Variants in SHQ1 observed in about 807,000 individuals in gnomAD.
The protein encoded by SHQ1 is SHQ1, H/ACA ribonucleoprotein assembly factor.
In SHQ1, 49 loss-of-function variants were observed where a neutral mutation model predicts 53.8. The ratio of observed to expected loss-of-function variants is 0.91; its 90% CI spans 0.72 to 1.16. The LOEUF (loss-of-function observed/expected upper bound fraction) is 1.16, where lower values mean the gene tolerates loss of function less well. Ranked by LOEUF, SHQ1 falls within the 50% of genes most tolerant of loss-of-function variation. The pLI is 0.00. For missense variants in SHQ1, 738 were observed against 683.1 expected (o/e 1.08, Z -0.90); for synonymous variants, 243 against 251.0 (o/e 0.97, Z 0.30).
intron 6 of SHQ1, among the ~76,000 whole-genome samples, chr3:72,819,745 C>T (rs1707420582): frequency 6.6e-6 from 1 of 152,146 alleles, no homozygotes; most frequent in South Asian, 2.1e-4. Context: ...TTAAAATTTA[C>T]TGGATTTAAT....
intron 10 of SHQ1, among the ~76,000 whole-genome samples, chr3:72,787,722 TCCCTCTC>T (rs1706280645): frequency 7.8e-6 from 1 of 127,708 alleles, no homozygotes; most frequent in South Asian, 2.7e-4. Flanking sequence ...CCCCTCCCCC[TCCCTCTC>T]CCCTCTCCCT....
chr3:72,792,885 A>G (rs191813552), intron 10 of SHQ1, 31 bp downstream of exon 10: 2 of 1,604,172 alleles, frequency 1.2e-6, no homozygotes, highest in East Asian at 4.5e-5. Flanking sequence ...TGAACATCTA[A>G]AAATTCGTAA....
At chr3:72,825,232 T>C (rs905316852) in intron 5 of SHQ1, among the ~76,000 whole-genome samples, 1 of 152,080 alleles carries the variant, frequency 6.6e-6, no homozygotes, top group Non-Finnish European at 1.5e-5. Flanking sequence ...GTGCTAGGTA[T>C]GCAAGTACTA....
At chr3:72,768,199 C>A (rs1705772513) in intron 10 of SHQ1, among the ~76,000 whole-genome samples, 1 of 152,306 alleles carries the variant, frequency 6.6e-6, no homozygotes, top group East Asian at 1.9e-4. Flanking sequence ...GATAAGCCGA[C>A]AGGGAAAACA....
chr3:72,846,254 A>G (rs1291339437), intron 1 of SHQ1: 2 of 1,534,126 alleles, frequency 1.3e-6, no homozygotes, highest in East Asian at 4.9e-5. Context: ...CTTCAAGGAG[A>G]GGGACCAGGT....
intron 10 of SHQ1, among the ~76,000 whole-genome samples, chr3:72,764,172 C>CCTACCCACATACCACA (rs1156291306): frequency 1.4e-4 from 21 of 152,022 alleles, no homozygotes; most frequent in African/African-American, 5.1e-4. Context: ...TGTTACAAAC[C>CCTACCCACATACCACA]CTACCCAGTG....
At chr3:72,757,988 A>G (rs1368940592) in intron 10 of SHQ1, among the ~76,000 whole-genome samples, 2 of 152,218 alleles carry the variant, frequency 1.3e-5, no homozygotes, top group Admixed American at 6.5e-5. Flanking sequence ...AAATTTTTTT[A>G]AAAGGGCTTT....
chr3:72,795,828 G>A lies in SHQ1; in HGVS notation c.1061-2792C>T, dbSNP rs567792713. Among the ~76,000 whole-genome samples, 10 of 152,268 alleles carry A rather than the reference G, an allele frequency of 6.6e-5. No homozygotes were observed. The South Asian group carries it at 2.1e-3, about 32-fold the overall frequency. On this transcript the variant is annotated intron_variant, in intron 9 of 10. Coordinates refer to ENST00000325599, the MANE Select transcript of SHQ1 (RefSeq NM_018130.3). ...AACAGAAAATGCAGGATTGGGGCTA[G>A]GCGTGGTGGCTCACGCCTGTAATCC...
At chr3:72,775,591 T>C (rs1296002543) in intron 10 of SHQ1, among the ~76,000 whole-genome samples, 2 of 151,588 alleles carry the variant, frequency 1.3e-5, no homozygotes, top group African/African-American at 4.9e-5. Flanking sequence ...AGTACAATAA[T>C]GGGAAATTAT....
intron 10 of SHQ1, chr3:72,753,054 T>A: frequency 1.0e-6 from 1 of 985,274 alleles, no homozygotes; most frequent in Non-Finnish European, 1.2e-6. Context: ...TGGATGCATT[T>A]AGTTGTTTTT....
chr3:72,815,468 C>G, intron 7 of SHQ1, 65 bp from the exon 8 acceptor site: 4 of 1,252,928 alleles, frequency 3.2e-6, no homozygotes, highest in South Asian at 1.2e-5. Flanking sequence ...ATAGACCAAA[C>G]AAATCCATTT....
chr3:72,742,785 C>T, the SHQ1 span, among the ~76,000 whole-genome samples: 59 of 151,922 alleles, frequency 3.9e-4, 1 homozygote, highest in African/African-American at 1.1e-3. Context: ...CCACCATGTC[C>T]GGCTAATTTT....
intron 10 of SHQ1, chr3:72,773,368 T>C: frequency 4.0e-6 from 2 of 500,056 alleles, no homozygotes; most frequent in South Asian, 3.3e-5. Flanking sequence ...AAGGAAAAGA[T>C]GACACAGTAC....
chr3:72,833,189 C>T (rs934882434), intron 4 of SHQ1, among the ~76,000 whole-genome samples: 2 of 152,110 alleles, frequency 1.3e-5, no homozygotes, highest in South Asian at 2.1e-4. Flanking sequence ...CTCCTGTAAC[C>T]CCAGCACTTT....
At chr3:72,806,818 T>C (rs1464142655) in intron 9 of SHQ1, among the ~76,000 whole-genome samples, 3 of 152,168 alleles carry the variant, frequency 2.0e-5, no homozygotes, top group African/African-American at 7.2e-5. Flanking sequence ...CCTAGTGAAA[T>C]GTGTCGTCTC....
In SHQ1 at chr3:72,848,336, A is replaced by G. The variant is rs1708424172; in HGVS notation, c.5T>C (p.Leu2Pro). Reference protein sequence around the residue: MLTPAFDLSQDP... With the variant: MPTPAFDLSQDP... ...CTGGCTGAGGTCGAACGCCGGGGTC[A>G]GCATCGCCGCACCGGACGCAAGGGC... The change falls in exon 1 of 11, where the codon CTG becomes CCG. Residue 2 changes from leucine to proline, a missense_variant. By Grantham distance (98) the Leu-to-Pro change is moderately conservative. Coordinates refer to ENST00000325599, the MANE Select transcript of SHQ1 (RefSeq NM_018130.3). 3 of 1,613,934 alleles carry G rather than the reference A, an allele frequency of 1.9e-6. No individual in the cohort carries two copies. Among genetic ancestry groups the G allele is most frequent in the Non-Finnish European group, 2.5e-6 (3 of 1,179,908 alleles).
intron 9 of SHQ1, chr3:72,793,556 T>G (rs1706512049): frequency 6.6e-6 from 1 of 151,856 alleles, no homozygotes; most frequent in Non-Finnish European, 1.5e-5. Context: ...ATTCTGTTGT[T>G]ACAGCTGACT....
At chr3:72,842,430 G>A (rs771731063) in intron 2 of SHQ1, 28 bp from the exon 3 acceptor site, 21 of 1,604,246 alleles carry the variant, frequency 1.3e-5, no homozygotes, top group Non-Finnish European at 1.6e-5. Flanking sequence ...TTTATGCTTA[G>A]ATTAAAATAT....
intron 8 of SHQ1, among the ~76,000 whole-genome samples, 160 bp from the exon 9 acceptor site, chr3:72,812,954 T>C (rs1209727682): frequency 2.6e-5 from 4 of 152,224 alleles, no homozygotes; most frequent in Non-Finnish European, 5.9e-5. Context: ...AAGATTCTTT[T>C]TGTATACTTT....
Sources: allele counts gnomAD v4.1 joint callset (sites outside exome capture counted in the v4.1 genomes callset), GRCh38; gene constraint gnomAD v4.1.1; transcripts MANE v1.5; gene names NCBI Gene and HGNC (gene_info 2026-07-23, HGNC 2026-07-21).